ITGA1: variants seen among roughly 807,000 people sequenced by gnomAD.
ITGA1 encodes the protein integrin alpha-1.
A neutral mutation model predicts 145.9 loss-of-function variants in ITGA1; 85 were observed. The ratio of observed to expected loss-of-function variants is 0.58; its 90% CI spans 0.49 to 0.70. The LOEUF (loss-of-function observed/expected upper bound fraction) is 0.70, where lower values mean the gene tolerates loss of function less well. Ranked by LOEUF, ITGA1 falls within the 30% of genes least tolerant of loss-of-function variation. The pLI is 0.00. For synonymous variants in ITGA1, 520 were observed against 495.3 expected (o/e 1.05, Z -0.66); for missense variants, 1,351 against 1,418.7 (o/e 0.95, Z 0.77).
Position 52,937,486 on chromosome 5 carries a change from T to A in ITGA1, c.3050T>A (p.Leu1017Gln). ...PNMTSNGYPV[L>Q]YPTGLSSSEN... ...ATGACATCAAATGGTTACCCTGTGCTGTACCCAACTGGATTGTCATCTTCT... is the reference window on the plus strand; with the variant it reads ...ATGACATCAAATGGTTACCCTGTGCAGTACCCAACTGGATTGTCATCTTCT... The change falls in exon 24 of 29, where the codon CTG becomes CAG. Residue 1017 changes from leucine to glutamine, a missense_variant. Transcript: ENST00000282588. The A allele has an allele frequency of 6.2e-7, 1 of 1,610,698 alleles. No individual in the cohort carries two copies. Among genetic ancestry groups the A allele is most frequent in the Non-Finnish European group, 8.5e-7 (1 of 1,176,898 alleles).
intron 7 of ITGA1, among the ~76,000 whole-genome samples, chr5:52,886,491 T>C (rs990288017): frequency 1.3e-5 from 2 of 152,232 alleles, no homozygotes; most frequent in Admixed American, 6.5e-5. Flanking sequence ...TGTTTGTCTG[T>C]ACAACCAAAT....
intron 1 of ITGA1, among the ~76,000 whole-genome samples, chr5:52,807,776 C>T (rs6450085): frequency 0.51 from 77,411 of 151,992 alleles, 20,475 homozygotes; most frequent in African/African-American, 0.65. Context: ...CCCTCAAGCA[C>T]TATCCAGCAT....
intron 24 of ITGA1, among the ~76,000 whole-genome samples, chr5:52,938,920 T>C (rs1036869188): frequency 2.1e-4 from 32 of 152,192 alleles, no homozygotes; most frequent in African/African-American, 7.5e-4. Context: ...TCCTTTTTTT[T>C]GAGACGGAAT....
At position 52,915,458 on chromosome 5, in the gene ITGA1, TCAC is replaced by T; in HGVS notation, c.1858-5_1858-3del. On this transcript the variant is annotated splice_polypyrimidine_tract_variant and splice_region_variant and intron_variant, in intron 14 of 28. Coordinates refer to ENST00000282588, the MANE Select transcript of ITGA1 (RefSeq NM_181501.2). ...ATATGAAACTCTTTTTTTTGGATTC[TCAC>T]AGCGTATTCCATCAGGTGGGGATGG... is the stretch of plus-strand genomic sequence containing the variant. 1 of 1,613,446 alleles carries T rather than the reference TCAC, an allele frequency of 6.2e-7. No individual in the cohort carries two copies. The highest frequency in any genetic ancestry group is 1.7e-5 in the Admixed American group (1 of 59,864).
intron 1 of ITGA1, among the ~76,000 whole-genome samples, chr5:52,847,424 T>C (rs1344424477): frequency 6.6e-6 from 1 of 152,208 alleles, no homozygotes; most frequent in Non-Finnish European, 1.5e-5. Flanking sequence ...CTAGGAAAGA[T>C]AATTTTTCAG....
At chr5:52,923,687 T>TA (rs1448394971) in intron 18 of ITGA1, among the ~76,000 whole-genome samples, 3 of 152,210 alleles carry the variant, frequency 2.0e-5, no homozygotes, top group African/African-American at 7.2e-5. Flanking sequence ...TGTTGGAGTT[T>TA]AAGAAAACTA....
At chr5:52,885,054 T>G (rs1228274820) in intron 7 of ITGA1, among the ~76,000 whole-genome samples, 1 of 152,138 alleles carries the variant, frequency 6.6e-6, no homozygotes, top group Non-Finnish European at 1.5e-5. Context: ...TTACTTACTA[T>G]TATTAGTTTA....
chr5:52,843,143 C>G (rs939644164), intron 1 of ITGA1, among the ~76,000 whole-genome samples: 10 of 152,118 alleles, frequency 6.6e-5, no homozygotes, highest in African/African-American at 2.4e-4. Context: ...CCAGGGATCA[C>G]TATCTTTCTA....
intron 8 of ITGA1, among the ~76,000 whole-genome samples, chr5:52,890,370 A>G (rs1750127074): frequency 6.6e-6 from 1 of 152,220 alleles, no homozygotes; most frequent in East Asian, 1.9e-4. Context: ...AGATTCATCC[A>G]TAATGTTGCA....
At chr5:52,875,076 G>GT (rs1749844299) in intron 6 of ITGA1, among the ~76,000 whole-genome samples, 1 of 152,176 alleles carries the variant, frequency 6.6e-6, no homozygotes, top group Non-Finnish European at 1.5e-5. Context: ...AACAAGTAGG[G>GT]ATAGGAGTAA....
rs373568813 is a variant in ITGA1 at position 52,815,498 on chromosome 5, G to C, written c.61+27084G>C. On this transcript the variant is annotated intron_variant, in intron 1 of 28. Coordinates refer to ENST00000282588, the MANE Select transcript of ITGA1 (RefSeq NM_181501.2). Reference sequence around the variant, plus strand: ...CTACTCCCCTGGTCATGACTGGCTTGGGCAGGAGAGATCTTTGCCTGGGTA... The same window carrying C: ...CTACTCCCCTGGTCATGACTGGCTTCGGCAGGAGAGATCTTTGCCTGGGTA... Among the ~76,000 whole-genome samples the C allele has an allele frequency of 4.5e-4, 68 of 152,298 alleles. 1 individual carries two copies. In the East Asian group the frequency reaches 6.6e-3, roughly 15 times the overall value.
At position 52,788,290 on chromosome 5, in the gene ITGA1, G is replaced by A; in HGVS notation, c.-64G>A. On this transcript the variant is annotated 5_prime_UTR_variant, in exon 1 of 29. Transcript: ENST00000282588. ...ATAAGTGGCCCAGCCAGAGAGCGCA[G>A]CTCCCGCGCCCGGTCCTGCCCTGCG... 7.7e-7 allele frequency: 1 copy of A among 1,305,668 alleles called. No homozygotes were observed. Among genetic ancestry groups the A allele is most frequent in the Non-Finnish European group, 1.0e-6 (1 of 997,928 alleles). The allele number at this position is 1,305,668 out of a possible 1,614,324, so 80.9% of individuals were successfully genotyped here.
At chr5:52,882,165 T>C in intron 7 of ITGA1, 144 bp downstream of exon 7, 1 of 647,598 alleles carries the variant, frequency 1.5e-6, no homozygotes, top group Middle Eastern at 4.1e-4. Flanking sequence ...GATTAAATAA[T>C]GGTTACAAGA....
intron 23 of ITGA1, among the ~76,000 whole-genome samples, 156 bp from the exon 24 acceptor site, chr5:52,937,245 C>G (rs1380209874): frequency 6.6e-6 from 1 of 151,960 alleles, no homozygotes; most frequent in Non-Finnish European, 1.5e-5. Context: ...TGAATTATGC[C>G]AATTCTCTGT....
At chr5:52,815,004 G>A (rs1298714790) in intron 1 of ITGA1, among the ~76,000 whole-genome samples, 3 of 152,144 alleles carry the variant, frequency 2.0e-5, no homozygotes, top group Non-Finnish European at 4.4e-5. Flanking sequence ...CAGGAAAGAG[G>A]AAAATGATGA....
At chr5:52,852,623 T>A (rs1022699264) in intron 2 of ITGA1, among the ~76,000 whole-genome samples, 13 of 152,122 alleles carry the variant, frequency 8.5e-5, no homozygotes, top group Non-Finnish European at 1.8e-4. Flanking sequence ...AGTCTATTTT[T>A]AAATAGCTCC....
At chr5:52,820,144 C>T (rs1293046681) in intron 1 of ITGA1, among the ~76,000 whole-genome samples, 2 of 151,778 alleles carry the variant, frequency 1.3e-5, no homozygotes, top group African/African-American at 4.8e-5. Flanking sequence ...TTTTTGGTTC[C>T]ATATGAACTT....
intron 1 of ITGA1, chr5:52,800,927 A>G (rs1748465105): frequency 6.2e-7 from 1 of 1,614,098 alleles, no homozygotes; most frequent in Non-Finnish European, 8.5e-7. Context: ...TGCTCTCAGC[A>G]TGACCGGGCC....
intron 14 of ITGA1, among the ~76,000 whole-genome samples, chr5:52,915,023 C>G (rs1750621206): frequency 6.6e-6 from 1 of 152,112 alleles, no homozygotes; most frequent in Non-Finnish European, 1.5e-5. Context: ...TATTTATACC[C>G]AGCCACAAAG....
Sources: allele counts gnomAD v4.1 joint callset (sites outside exome capture counted in the v4.1 genomes callset), GRCh38; gene constraint gnomAD v4.1.1; transcripts MANE v1.5; gene names NCBI Gene and HGNC (gene_info 2026-07-23, HGNC 2026-07-21).